RTF1: variants seen among roughly 807,000 people sequenced by gnomAD.
RTF1 encodes RNA polymerase-associated protein RTF1 homolog.
A neutral mutation model predicts 95.7 loss-of-function variants in RTF1; 10 were observed. That is an observed-to-expected ratio of 0.10 (90% CI 0.06 to 0.18). The LOEUF (loss-of-function observed/expected upper bound fraction) is 0.18, where lower values mean the gene tolerates loss of function less well. RTF1 is among the 10% of genes least tolerant of loss of function. The pLI is 1.00. For missense variants in RTF1, 458 were observed against 875.6 expected (o/e 0.52, Z 6.02); for synonymous variants, 305 against 311.8 (o/e 0.98, Z 0.23).
intron 2 of RTF1, among the ~76,000 whole-genome samples, chr15:41,449,227 A>ATTTTTTTTTTTTTTTTTTTTTTT (rs34660598): frequency 9.1e-6 from 1 of 109,314 alleles, no homozygotes; most frequent in African/African-American, 3.8e-5. Context: ...AGGCAGGTGA[A>ATTTTTTTTTTTTTTTTTTTTTTT]TTTTTTTTTT....
intron 1 of RTF1, among the ~76,000 whole-genome samples, chr15:41,436,777 G>GA (rs1427011260): frequency 2.0e-5 from 3 of 152,018 alleles, no homozygotes; most frequent in Non-Finnish European, 4.4e-5. Context: ...CTGGGCAACA[G>GA]AGTGAGTCTC....
intron 8 of RTF1, among the ~76,000 whole-genome samples, chr15:41,471,944 G>C (rs1292655334): frequency 6.6e-6 from 1 of 151,968 alleles, no homozygotes; most frequent in Non-Finnish European, 1.5e-5. Context: ...TGTCACCCAG[G>C]CTGGAGTGCA....
intron 5 of RTF1, among the ~76,000 whole-genome samples, chr15:41,465,589 T>G (rs915743724): frequency 1.3e-5 from 2 of 151,864 alleles, no homozygotes; most frequent in Non-Finnish European, 2.9e-5. Flanking sequence ...TGCAGTGAGC[T>G]GAGATCATGC....
At position 41,420,231 on chromosome 15, in the gene RTF1, GCTT is replaced by G. The variant is rs1359622594; in HGVS notation, c.198+2922_198+2924del. Among the ~76,000 whole-genome samples the G allele has an allele frequency of 2.0e-5, 3 of 152,174 alleles. No homozygotes were observed. The East Asian group carries it at 5.8e-4, about 29-fold the overall frequency. The stretch of plus-strand genomic sequence containing the variant: ...AACAAATTTAACTTCCTCCCCTTCA[GCTT>G]CTTATTTGCATTCTTGTTATCAGAT... On this transcript the variant is annotated intron_variant, in intron 1 of 17. Coordinates refer to ENST00000389629, the MANE Select transcript of RTF1 (RefSeq NM_015138.5).
chr15:41,438,546 G>A, intron 2 of RTF1, 115 bp downstream of exon 2: 6 of 611,738 alleles, frequency 9.8e-6, no homozygotes, highest in Non-Finnish European at 1.7e-5. Flanking sequence ...AGATCTACAA[G>A]AATTTATTGG....
chr15:41,450,154 C>T (rs937677464), intron 2 of RTF1, among the ~76,000 whole-genome samples: 1 of 152,088 alleles, frequency 6.6e-6, no homozygotes, highest in Non-Finnish European at 1.5e-5. Flanking sequence ...TATGATCATG[C>T]CACTGCATTC....
intron 4 of RTF1, among the ~76,000 whole-genome samples, chr15:41,461,258 G>T (rs1205065962): frequency 6.6e-6 from 1 of 151,712 alleles, no homozygotes; most frequent in Non-Finnish European, 1.5e-5. Context: ...GGCCAGGCTG[G>T]TCTCCATCCA....
rs34660598 is a variant in RTF1, at chr15:41,449,227, A to ATTTTTTTTTTTTTTTTTT, written c.310-3670_310-3653dup. Among the ~76,000 whole-genome samples, 32 of 109,298 alleles carry ATTTTTTTTTTTTTTTTTT rather than the reference A, an allele frequency of 2.9e-4. 2 individuals carry two copies. Among genetic ancestry groups the ATTTTTTTTTTTTTTTTTT allele is most frequent in the African/African-American group, 9.1e-4 (24 of 26,402 alleles). The allele number at this position is 109,298 out of a possible 152,430, so 71.7% of individuals were successfully genotyped here. ...TTGTCCCTGTTGTGGAGGCAGGTGA[A>ATTTTTTTTTTTTTTTTTT]TTTTTTTTTTTTTTTTTTTTTGAGA... On this transcript the variant is annotated intron_variant, in intron 2 of 17. Transcript: ENST00000389629.
intron 1 of RTF1, among the ~76,000 whole-genome samples, chr15:41,427,312 C>T (rs1488234220): frequency 2.0e-5 from 3 of 150,868 alleles, no homozygotes; most frequent in East Asian, 2.0e-4. Flanking sequence ...CCACCATGCC[C>T]GGCTAATTTT....
intron 1 of RTF1, among the ~76,000 whole-genome samples, chr15:41,427,631 G>T (rs2050642728): frequency 6.6e-6 from 1 of 152,096 alleles, no homozygotes; most frequent in Admixed American, 6.6e-5. Context: ...AGAGAGCCAT[G>T]ATCACACAAC....
rs1400275584 is a variant in RTF1 at position 41,481,115 on chromosome 15, G to A, written c.*428G>A. On this transcript the variant is annotated 3_prime_UTR_variant, in exon 18 of 18. Coordinates refer to ENST00000389629, the MANE Select transcript of RTF1 (RefSeq NM_015138.5). ...GGCCCACCCATTGAACATTCGGCAC[G>A]TGACCTTGTGGGGGGAGCGGGGATT... 4 of 156,904 alleles carry A rather than the reference G, an allele frequency of 2.5e-5. No individual in the cohort carries two copies. The highest frequency in any genetic ancestry group is 7.2e-5 in the African/African-American group (3 of 41,532). The allele number at this position is 156,904 out of a possible 1,614,324, so 9.7% of individuals were successfully genotyped here. A position where few individuals can be genotyped will look rare whatever the true frequency, so the allele number is the denominator to read the frequency against.
At chr15:41,450,420 T>C (rs982746123) in intron 2 of RTF1, among the ~76,000 whole-genome samples, 4 of 151,580 alleles carry the variant, frequency 2.6e-5, no homozygotes, top group African/African-American at 9.7e-5. Flanking sequence ...ACCCCGTCTC[T>C]GCTAAAAATA....
chr15:41,450,049 A>G (rs2050782624), intron 2 of RTF1, among the ~76,000 whole-genome samples: 1 of 152,062 alleles, frequency 6.6e-6, no homozygotes, highest in African/African-American at 2.4e-5. Context: ...TTAACAAATT[A>G]GCCAGGTATA....
chr15:41,482,245 T>A lies in RTF1; in HGVS notation c.*1558T>A, dbSNP rs2050980765. Reference sequence around the variant, plus strand: ...GATAAACTGACTGCTTGATAATCACTCTCAGGTGTAAAGCTCCAAGTGTAA... The same window carrying A: ...GATAAACTGACTGCTTGATAATCACACTCAGGTGTAAAGCTCCAAGTGTAA... On this transcript the variant is annotated 3_prime_UTR_variant, in exon 18 of 18. Coordinates refer to ENST00000389629, the MANE Select transcript of RTF1 (RefSeq NM_015138.5). 6.5e-6 allele frequency: 1 copy of A among 152,784 alleles called. No homozygotes were observed. The highest frequency in any genetic ancestry group is 2.1e-4 in the South Asian group (1 of 4,826). 9.5% of individuals were successfully genotyped at this position (152,784 alleles called of 1,614,324 possible).
In RTF1 at chr15:41,417,331, A is replaced by T; in HGVS notation, c.198+18A>T. On this transcript the variant is annotated intron_variant, in intron 1 of 17. Coordinates refer to ENST00000389629, the MANE Select transcript of RTF1 (RefSeq NM_015138.5). ...TGGATCAGGTGAGGGCAGGCCGCGGAGGCGCGGGCCGGCGGAGCCAGAGGG... is the reference window on the plus strand; with the variant it reads ...TGGATCAGGTGAGGGCAGGCCGCGGTGGCGCGGGCCGGCGGAGCCAGAGGG... The T allele has an allele frequency of 8.0e-7, 1 of 1,246,096 alleles. No individual in the cohort carries two copies. The highest frequency in any genetic ancestry group is 1.0e-6 in the Non-Finnish European group (1 of 987,722). 77.2% of individuals were successfully genotyped at this position (1,246,096 alleles called of 1,614,324 possible). A position where few individuals can be genotyped will look rare whatever the true frequency, so the allele number is the denominator to read the frequency against.
intron 1 of RTF1, among the ~76,000 whole-genome samples, chr15:41,423,069 G>A: frequency 6.6e-6 from 1 of 152,262 alleles, no homozygotes; most frequent in Admixed American, 6.5e-5. Flanking sequence ...ACCGTGCCCG[G>A]CCAGCCCTGT....
At position 41,464,644 on chromosome 15, in the gene RTF1, A is replaced by G. The variant is rs1010045964; in HGVS notation, c.663-127A>G. The G allele has an allele frequency of 2.3e-5, 15 of 652,238 alleles. No homozygotes were observed. The African/African-American group carries it at 2.6e-4, about 11-fold the overall frequency. The allele number at this position is 652,238 out of a possible 1,614,324, so 40.4% of individuals were successfully genotyped here. ...TTTTAATGTACTTAAAAGGTACACC[A>G]GAGTTTCTTGCAGGAAAGCCAAAAT... is the stretch of plus-strand genomic sequence containing the variant. On this transcript the variant is annotated intron_variant, in intron 4 of 17. Transcript: ENST00000389629.
intron 2 of RTF1, among the ~76,000 whole-genome samples, chr15:41,449,716 A>T (rs1474904499): frequency 6.6e-6 from 1 of 151,684 alleles, no homozygotes; most frequent in African/African-American, 2.4e-5. Flanking sequence ...CTCTAGTAAT[A>T]GCTACTCAGG....
chr15:41,464,365 C>T (rs996039911), intron 4 of RTF1, among the ~76,000 whole-genome samples: 1 of 151,352 alleles, frequency 6.6e-6, no homozygotes, highest in Non-Finnish European at 1.5e-5. Flanking sequence ...TCTCCTGCCT[C>T]AGCCTCCCAA....
Sources: allele counts gnomAD v4.1 joint callset (sites outside exome capture counted in the v4.1 genomes callset), GRCh38; gene constraint gnomAD v4.1.1; transcripts MANE v1.5; gene names NCBI Gene and HGNC (gene_info 2026-07-23, HGNC 2026-07-21).